The following INTS6L variants were observed in gnomAD, a reference collection of about 807,000 sequenced individuals.
INTS6L encodes the protein integrator complex subunit 6 like, also known as integrator complex subunit 6-like.
A neutral mutation model predicts 64.7 loss-of-function variants in INTS6L; 18 were observed. The observed-to-expected ratio is 0.28, with a 90% CI of 0.19 to 0.41. The LOEUF (loss-of-function observed/expected upper bound fraction) is 0.41. INTS6L is among the 10% of genes least tolerant of loss of function. The pLI is 1.00. For missense variants in INTS6L, 533 were observed against 661.0 expected, an observed-to-expected ratio of 0.81 and a Z score of 2.12; for synonymous variants, 227 against 235.9, an observed-to-expected ratio of 0.96 and a Z score of 0.34.
At chrX:135,579,534 A>G (rs2087317686) in intron 15 of INTS6L, among the ~76,000 whole-genome samples, 1 of 112,056 alleles carries the variant, frequency 8.9e-6, no homozygotes, top group African/African-American at 3.2e-5. Flanking sequence ...CATGAGTACC[A>G]GGGATCTGTG....
intron 8 of INTS6L, among the ~76,000 whole-genome samples, chrX:135,555,080 G>A (rs1257707461): frequency 9.2e-6 from 1 of 108,916 alleles, no homozygotes; most frequent in Non-Finnish European, 1.9e-5. Context: ...GTAGAGATGG[G>A]GTTTCACCAT....
At chrX:135,581,173 T>C (rs2087361611) in intron 17 of INTS6L, 30 bp downstream of exon 17, 2 of 1,094,724 alleles carry the variant, frequency 1.8e-6, no homozygotes, top group African/African-American at 3.7e-5. Flanking sequence ...CTTCAATTTT[T>C]TGTTTTTGTT....
At chrX:135,532,523 T>G (rs1484264081) in intron 2 of INTS6L, among the ~76,000 whole-genome samples, 1 of 112,209 alleles carries the variant, frequency 8.9e-6, no homozygotes, top group Non-Finnish European at 1.9e-5. Flanking sequence ...TGTATCATTG[T>G]CACTTCAGTA....
At chrX:135,569,259 G>C (rs73224799) in intron 9 of INTS6L, 78 bp from the exon 10 acceptor site, 1 of 584,825 alleles carries the variant, frequency 1.7e-6, no homozygotes, top group Non-Finnish European at 2.5e-6. Flanking sequence ...AAAAGCTGAA[G>C]TTTCTAGATG....
chrX:135,545,690 C>T, intron 3 of INTS6L, 118 bp downstream of exon 3: 1 of 718,409 alleles, frequency 1.4e-6, no homozygotes, highest in African/African-American at 2.2e-5. Flanking sequence ...AAATGAGATT[C>T]TTATTACCTT....
At chrX:135,526,188 C>T (rs1354252976) in intron 2 of INTS6L, among the ~76,000 whole-genome samples, 1 of 111,717 alleles carries the variant, frequency 9.0e-6, no homozygotes, top group Admixed American at 9.5e-5. Context: ...AGTTGTTCTC[C>T]CTACTTCCAG....
intron 11 of INTS6L, chrX:135,571,675 A>G: frequency 8.9e-6 from 1 of 111,935 alleles, no homozygotes; most frequent in Non-Finnish European, 1.9e-5. Flanking sequence ...GTTGTTGTAA[A>G]TGTTTTGGTT....
chrX:135,536,463 A>G (rs1187873800), intron 2 of INTS6L, among the ~76,000 whole-genome samples: 1 of 111,515 alleles, frequency 9.0e-6, no homozygotes, highest in African/African-American at 3.3e-5. Flanking sequence ...ATAACATTAT[A>G]CCATTTTCCA....
At chrX:135,577,950 A>G (rs919915898) in intron 15 of INTS6L, among the ~76,000 whole-genome samples, 1 of 112,343 alleles carries the variant, frequency 8.9e-6, no homozygotes, top group Admixed American at 9.4e-5. Context: ...TGTGTGCAGC[A>G]CATTGCCATT....
Position 135,577,347 on chromosome X carries a change from A to G in INTS6L, c.2039A>G (p.His680Arg). The G allele has an allele frequency of 8.3e-7, 1 of 1,211,656 alleles. No individual in the cohort carries two copies. The highest frequency in any genetic ancestry group is 1.1e-6 in the Non-Finnish European group (1 of 895,512). ...KPQTPPTVTN[H>R]VGGKGPPSAS... ...CAAACACCACCTACTGTAACTAACC[A>G]TGTGGGCGGAAAGGGACCACCCTCA... is the stretch of plus-strand genomic sequence containing the variant. Residue 680 changes from histidine to arginine, a missense_variant, in exon 15 of 18, where the codon CAT (histidine) becomes CGT (arginine). His to Arg is a conservative substitution (Grantham distance 29). Transcript: ENST00000639893.
chrX:135,572,612 AAAT>A, intron 11 of INTS6L, 200 bp from the exon 12 acceptor site: 1 of 325,378 alleles, frequency 3.1e-6, no homozygotes, highest in Non-Finnish European at 5.3e-6. Flanking sequence ...CAAGAAAAAA[AAAT>A]ATTATTTGTC....
chrX:135,527,844 G>A (rs1354503020), intron 2 of INTS6L, among the ~76,000 whole-genome samples: 1 of 110,826 alleles, frequency 9.0e-6, no homozygotes, highest in African/African-American at 3.3e-5. Flanking sequence ...GATTGGGGTG[G>A]GGGTAGGGAG....
At chrX:135,572,239 C>A (rs1351886688) in intron 11 of INTS6L, 2 of 112,267 alleles carry the variant, frequency 1.8e-5, no homozygotes, top group Non-Finnish European at 3.8e-5. Flanking sequence ...TATTAAGAGG[C>A]TTTTTACAAA....
chrX:135,558,478 A>G (rs150838800), intron 9 of INTS6L, among the ~76,000 whole-genome samples: 229 of 112,229 alleles, frequency 2.0e-3, no homozygotes, highest in Non-Finnish European at 2.9e-3. Flanking sequence ...ATTTTGTGAC[A>G]TGCTACAATA....
intron 5 of INTS6L, 101 bp downstream of exon 5, chrX:135,546,986 CT>C: frequency 9.1e-7 from 1 of 1,103,166 alleles, no homozygotes; most frequent in African/African-American, 1.8e-5. Flanking sequence ...CCTTCAAAGC[CT>C]TTTAACTCTG....
At chrX:135,551,107 A>G (rs1362234752) in intron 7 of INTS6L, among the ~76,000 whole-genome samples, 1 of 112,418 alleles carries the variant, frequency 8.9e-6, no homozygotes, top group Non-Finnish European at 1.9e-5. Context: ...TAAACTATAA[A>G]GGCAAGTGAA....
chrX:135,554,109 C>T lies in INTS6L; in HGVS notation c.1059+1963C>T, dbSNP rs1300013724. Among the ~76,000 whole-genome samples the T allele has an allele frequency of 3.6e-5, 4 of 112,021 alleles. No homozygotes were observed. In the Admixed American group the frequency reaches 3.8e-4, roughly 11 times the overall value. On this transcript the variant is annotated intron_variant, in intron 8 of 17. Coordinates refer to ENST00000639893, the MANE Select transcript of INTS6L (RefSeq NM_001351601.3). ...CTCTGTCACCAACTATGTGGCCTTG[C>T]ACGAGGGACTTACATTGTCTGAACT...
chrX:135,525,834 G>T (rs145514116), intron 2 of INTS6L, among the ~76,000 whole-genome samples: 1,187 of 112,302 alleles, frequency 0.011, 17 homozygotes, highest in African/African-American at 0.035. Flanking sequence ...GACAATGAAA[G>T]ATGCTTTTAA....
In INTS6L at chrX:135,577,356, G is replaced by A. The variant is rs1556531620; in HGVS notation, c.2048G>A (p.Gly683Glu). ...TPPTVTNHVGGKGPPSASWFP... is the reference protein window; with the variant it reads ...TPPTVTNHVGEKGPPSASWFP... The stretch of plus-strand genomic sequence containing the variant: ...CCTACTGTAACTAACCATGTGGGCG[G>A]AAAGGGACCACCCTCAGCCTCGTGG... Residue 683 changes from glycine to glutamate, a missense_variant, in exon 15 of 18, where the codon GGA becomes GAA. Gly to Glu is a moderately conservative substitution (Grantham distance 98). Coordinates refer to ENST00000639893, the MANE Select transcript of INTS6L (RefSeq NM_001351601.3). 8.3e-7 allele frequency: 1 copy of A among 1,211,814 alleles called. No individual in the cohort carries two copies. Among genetic ancestry groups the A allele is most frequent in the South Asian group, 1.8e-5 (1 of 56,986 alleles).
Sources: gnomAD v4.1 joint callset for allele counts (sites outside exome capture counted in the v4.1 genomes callset) on GRCh38, gnomAD v4.1.1 for gene constraint, MANE v1.5 for transcripts, NCBI Gene and HGNC (gene_info 2026-07-23, HGNC 2026-07-21) for gene names.